HPN: variants seen among roughly 807,000 people sequenced by gnomAD.
HPN encodes hepsin, also known as serine protease hepsin.
In HPN, 13 loss-of-function variants were observed where a neutral mutation model predicts 55.9. The ratio of observed to expected loss-of-function variants is 0.23; its 90% CI spans 0.15 to 0.37. The LOEUF is 0.37. Among genes scored for constraint, HPN ranks in the 10% least tolerant of loss-of-function variants. HPN has a pLI of 1.00. For synonymous variants in HPN, 225 were observed against 240.3 expected, an observed-to-expected ratio of 0.94 and a Z score of 0.59; for missense variants, 451 against 575.8, an observed-to-expected ratio of 0.78 and a Z score of 2.22.
intron 4 of HPN, among the ~76,000 whole-genome samples, chr19:35,058,532 C>T (rs1466000531): frequency 1.4e-5 from 2 of 145,226 alleles, no homozygotes; most frequent in African/African-American, 2.5e-5. Flanking sequence ...TATATTATAA[C>T]AATATATTAG....
chr19:35,043,178 A>T (rs1361387614), intron 2 of HPN, among the ~76,000 whole-genome samples: 1 of 152,098 alleles, frequency 6.6e-6, no homozygotes, highest in African/African-American at 2.4e-5. Flanking sequence ...CAGAGGGAGG[A>T]CTTTGGACTG....
At chr19:35,046,339 G>T (rs1369557425) in intron 2 of HPN, among the ~76,000 whole-genome samples, 1 of 152,016 alleles carries the variant, frequency 6.6e-6, no homozygotes, top group Non-Finnish European at 1.5e-5. Context: ...CCACCTCCCG[G>T]GTTCAAGCGA....
Position 35,060,665 on chromosome 19 carries a change from G to A in HPN, c.659G>A (p.Gly220Asp), listed in dbSNP as rs745668080. 1 of 1,614,142 alleles carries A rather than the reference G, an allele frequency of 6.2e-7. No homozygotes were observed. The highest frequency in any genetic ancestry group is 1.7e-5 in the Admixed American group (1 of 60,032). Residue 220 changes from glycine to aspartate, a missense_variant, in exon 9 of 13, where the codon GGT becomes GAT. Around this residue, in one of 2 missense-constraint regions of HPN, gnomAD observed 378 missense variants for 445.5 expected, o/e 0.85. Transcript: ENST00000672452. ...RVLSRWRVFA[G>D]AVAQASPHGL... ...CTGTCCCGATGGCGAGTGTTTGCCG[G>A]TGCCGTGGCCCAGGCCTCTCCCCAC...
rs78823691 is a variant in HPN, at chr19:35,053,385, T to C, written c.160+3869T>C. Among the ~76,000 whole-genome samples the C allele has an allele frequency of 5.9e-3, 900 of 152,258 alleles. 7 individuals are homozygous for C. The highest frequency in any genetic ancestry group is 0.021 in the African/African-American group (871 of 41,544). ...TTCAAACTCCAAGCCTTGGCTTTCA[T>C]GGGGTGATGAGGACCCCCCAGCTAG... is the stretch of plus-strand genomic sequence containing the variant. On this transcript the variant is annotated intron_variant, in intron 4 of 12. Transcript: ENST00000672452.
rs1248183948 is a variant in HPN, at chr19:35,059,897, A to G, written c.314A>G (p.Asp105Gly). 5.3e-6 allele frequency: 8 copies of G among 1,510,028 alleles called. No individual in the cohort carries two copies. The highest frequency in any genetic ancestry group is 1.4e-5 in the African/African-American group (1 of 72,066). 93.5% of individuals were successfully genotyped at this position (1,510,028 alleles called of 1,614,324 possible). ...AGGGCACTGACCCACTCCGAGCTGG[A>G]CGTGCGAACGGCGGGCGCCAATGGC... ...FLRALTHSELDVRTAGANGTS... is the reference protein window; with the variant it reads ...FLRALTHSELGVRTAGANGTS... Residue 105 changes from aspartate (D) to glycine (G), a missense_variant, in exon 6 of 13, where the codon GAC (aspartate) becomes GGC (glycine). This residue lies in a region of HPN where 378 missense variants were observed against 445.5 expected (regional missense o/e 0.85). Coordinates refer to ENST00000672452, the MANE Select transcript of HPN (RefSeq NM_001384133.1).
At chr19:35,050,777 A>G (rs1201707810) in intron 4 of HPN, among the ~76,000 whole-genome samples, 2 of 152,216 alleles carry the variant, frequency 1.3e-5, no homozygotes, top group Non-Finnish European at 2.9e-5. Context: ...AGCCAACATC[A>G]ACATTAATCA....
Position 35,058,138 on chromosome 19 carries a change from G to A in HPN, c.161-1535G>A, listed in dbSNP as rs182346444. On this transcript the variant is annotated intron_variant, in intron 4 of 12. Coordinates refer to ENST00000672452, the MANE Select transcript of HPN (RefSeq NM_001384133.1). Reference sequence around the variant, plus strand: ...ACTGCACACCAGCCTGGACAACAGAGTGAGACTCCGTCTCAAAAAAATAAA... The same window carrying A: ...ACTGCACACCAGCCTGGACAACAGAATGAGACTCCGTCTCAAAAAAATAAA... Among the ~76,000 whole-genome samples, 511 of 151,902 alleles carry A rather than the reference G, an allele frequency of 3.4e-3. 2 individuals carry two copies. The highest frequency in any genetic ancestry group is 5.8e-3 in the Non-Finnish European group (396 of 67,976).
chr19:35,045,699 C>G (rs1176727129), intron 2 of HPN, among the ~76,000 whole-genome samples: 1 of 144,818 alleles, frequency 6.9e-6, no homozygotes, highest in Non-Finnish European at 1.5e-5. Flanking sequence ...CGTCCCACAC[C>G]CTGGGCCAGA....
At chr19:35,044,969 GA>G (rs2064327656) in intron 2 of HPN, among the ~76,000 whole-genome samples, 1 of 152,084 alleles carries the variant, frequency 6.6e-6, no homozygotes, top group Non-Finnish European at 1.5e-5. Context: ...CGGGGGAGGG[GA>G]ATGTTATGCA....
intron 4 of HPN, 88 bp from the exon 5 acceptor site, chr19:35,059,585 G>C (rs1335064535): frequency 6.6e-7 from 1 of 1,507,570 alleles, no homozygotes; most frequent in South Asian, 1.2e-5. Flanking sequence ...CATGGCTGGA[G>C]CACAGGCCAG....
rs1335829950 is a variant in HPN at position 35,065,290 on chromosome 19, C to T, written c.852C>T (p.Ala284=). 6.2e-7 allele frequency: 1 copy of T among 1,613,976 alleles called. No individual in the cohort carries two copies. The part of the protein sequence containing the change: ...QPVCLPAAGQ[A]LVDGKICTVT... ...TGTGCCTCCCAGCTGCCGGCCAGGC[C>T]CTGGTGGATGGCAAGATCTGTACCG... Residue 284 remains alanine, a synonymous_variant, in exon 10 of 13, where the codon GCC becomes GCT. Transcript: ENST00000672452.
chr19:35,065,103 T>G (rs1406630921), intron 9 of HPN, 147 bp from the exon 10 acceptor site: 2 of 568,772 alleles, frequency 3.5e-6, no homozygotes, highest in Non-Finnish European at 6.2e-6. Context: ...ATTACAGGCA[T>G]GAGCCACTGT....
intron 4 of HPN, 122 bp from the exon 5 acceptor site, chr19:35,059,551 G>A (rs1568361284): frequency 1.6e-6 from 2 of 1,269,920 alleles, no homozygotes; most frequent in Non-Finnish European, 1.1e-6. Context: ...ACCCTCCGAT[G>A]GGCTGGGGTT....
chr19:35,058,636 T>A (rs921895752), intron 4 of HPN, among the ~76,000 whole-genome samples: 6 of 147,558 alleles, frequency 4.1e-5, no homozygotes, highest in Admixed American at 1.4e-4. Context: ...AATATATTAA[T>A]ATTATATTAT....
intron 6 of HPN, 43 bp from the exon 7 acceptor site, chr19:35,060,086 T>C: frequency 6.2e-7 from 1 of 1,614,090 alleles, no homozygotes; most frequent in Non-Finnish European, 8.5e-7. Context: ...TTAACTGGTC[T>C]CTATTTCCTT....
intron 9 of HPN, among the ~76,000 whole-genome samples, chr19:35,063,499 G>A (rs2445819): frequency 0.85 from 129,527 of 152,236 alleles, 56,221 homozygotes; most frequent in Non-Finnish European, 0.93. Context: ...ACTTGAGGTC[G>A]GGAGTTTGAG....
At chr19:35,065,496 G>T in intron 10 of HPN, 43 bp from the exon 11 acceptor site, 1 of 1,603,038 alleles carries the variant, frequency 6.2e-7, no homozygotes, top group Non-Finnish European at 8.5e-7. Context: ...AGGGGGGTGT[G>T]TACACCCCCC....
At position 35,060,527 on chromosome 19, in the gene HPN, A is replaced by G. The variant is rs756625935; in HGVS notation, c.620+15A>G. On this transcript the variant is annotated intron_variant, in intron 8 of 12. Coordinates refer to ENST00000672452, the MANE Select transcript of HPN (RefSeq NM_001384133.1). ...TGCTTCCCGGAGTGAGTGCCCCCCA[A>G]TGGCGCTGATGATGGGGAGGCAGAG... is the stretch of plus-strand genomic sequence containing the variant. The G allele has an allele frequency of 3.3e-5, 53 of 1,611,908 alleles. No homozygotes were observed. The highest frequency in any genetic ancestry group is 8.0e-5 in the African/African-American group (6 of 74,940).
intron 2 of HPN, among the ~76,000 whole-genome samples, chr19:35,045,881 G>A (rs577504831): frequency 6.6e-6 from 1 of 152,290 alleles, no homozygotes; most frequent in Non-Finnish European, 1.5e-5. Flanking sequence ...AGGCGCTGAA[G>A]TCCTCTGAAC....
Sources: gnomAD v4.1 joint callset for allele counts (sites outside exome capture counted in the v4.1 genomes callset) on GRCh38, gnomAD v4.1.1 for gene constraint, gnomAD v4.1.1 regional missense constraint, MANE v1.5 for transcripts, NCBI Gene and HGNC (gene_info 2026-07-23, HGNC 2026-07-21) for gene names.